The following WASHC4 variants were observed in gnomAD, a reference collection of about 807,000 sequenced individuals.
WASHC4 encodes the protein WASH complex subunit 4.
WASHC4 carries 86 observed loss-of-function variants against 166.6 expected under a neutral mutation model. The ratio of observed to expected loss-of-function variants is 0.52; its 90% CI spans 0.43 to 0.62. The LOEUF is 0.62. Ranked by LOEUF, WASHC4 falls within the 20% of genes least tolerant of loss-of-function variation. The pLI is 0.00. For synonymous variants in WASHC4, 446 were observed against 451.6 expected (o/e 0.99, Z 0.16); for missense variants, 1,262 against 1,382.4 (o/e 0.91, Z 1.38).
intron 6 of WASHC4, among the ~76,000 whole-genome samples, chr12:105,118,025 CT>C (rs1306666135): frequency 1.3e-5 from 2 of 152,182 alleles, no homozygotes; most frequent in African/African-American, 4.8e-5. Flanking sequence ...CATAGTTGTA[CT>C]TTCTATACTG....
At chr12:105,129,076 GC>G (rs1294368513) in intron 13 of WASHC4, among the ~76,000 whole-genome samples, 1 of 151,912 alleles carries the variant, frequency 6.6e-6, no homozygotes, top group Non-Finnish European at 1.5e-5. Context: ...CTCCCGAGTA[GC>G]TGGGATTACA....
At chr12:105,147,891 G>A in intron 24 of WASHC4, 4 of 964,982 alleles carry the variant, frequency 4.1e-6, no homozygotes, top group Non-Finnish European at 4.9e-6. Context: ...GGCAGCAAGA[G>A]CGAAACTCCA....
At chr12:105,138,131 A>G (rs1382911208) in intron 15 of WASHC4, 120 bp downstream of exon 15, 1 of 943,176 alleles carries the variant, frequency 1.1e-6, no homozygotes, top group Non-Finnish European at 1.6e-6. Flanking sequence ...GTGAGAAAGT[A>G]CTTCTCTCTC....
At chr12:105,115,637 G>A (rs1727188040) in intron 5 of WASHC4, 24 bp from the exon 6 acceptor site, 1 of 1,559,246 alleles carries the variant, frequency 6.4e-7, no homozygotes, top group Non-Finnish European at 8.8e-7. Context: ...AATGAAATAT[G>A]CTTATTCATG....
rs1292994028 is a variant in WASHC4 at position 105,111,178 on chromosome 12, A to G, written c.115A>G (p.Thr39Ala). ...TTATGGGAAATTTCTTGAGGAGTAT[A>G]CCTCTCAACTGAGAAGAATTGAGGA... is the stretch of plus-strand genomic sequence containing the variant. ...KNYGKFLEEYTSQLRRIEDAL... is the reference protein window; with the variant it reads ...KNYGKFLEEYASQLRRIEDAL... The change falls in exon 2 of 33, where the codon ACC becomes GCC. Residue 39 changes from threonine to alanine, a missense_variant. By Grantham distance (58) the Thr-to-Ala change is moderately conservative. Transcript: ENST00000332180. 3 of 1,605,300 alleles carry G rather than the reference A, an allele frequency of 1.9e-6. No homozygotes were observed. Among genetic ancestry groups the G allele is most frequent in the East Asian group, 2.2e-5 (1 of 44,764 alleles).
At chr12:105,142,042 C>G (rs945728555) in intron 18 of WASHC4, among the ~76,000 whole-genome samples, 1 of 142,750 alleles carries the variant, frequency 7.0e-6, no homozygotes, top group Admixed American at 7.0e-5. Flanking sequence ...AAAGATTTTT[C>G]TTTCCAACTT....
At chr12:105,159,361 TC>T (rs1884355543) in intron 28 of WASHC4, among the ~76,000 whole-genome samples, 1 of 152,338 alleles carries the variant, frequency 6.6e-6, no homozygotes, top group Admixed American at 6.5e-5. Flanking sequence ...GAATAGATTA[TC>T]TGCATAGACA....
chr12:105,127,118 TTC>T lies in WASHC4; in HGVS notation c.1039-9_1039-8del. ...TTAATGAATTTTCCCCTTTTCCCTT[TTC>T]TGTTTCAGGTACCAGCCATCACTCT... On this transcript the variant is annotated splice_polypyrimidine_tract_variant and intron_variant, in intron 12 of 32. Transcript: ENST00000332180. 1 of 1,611,556 alleles carries T rather than the reference TTC, an allele frequency of 6.2e-7. No homozygotes were observed. Among genetic ancestry groups the T allele is most frequent in the Middle Eastern group, 1.7e-4 (1 of 6,052 alleles).
chr12:105,144,917 G>GT (rs756246285), intron 22 of WASHC4, 45 bp downstream of exon 22: 11 of 1,563,206 alleles, frequency 7.0e-6, no homozygotes, highest in Non-Finnish European at 9.7e-6. Flanking sequence ...ACTGTTGGCT[G>GT]TAACAGTACT....
At chr12:105,108,556 A>C (rs1252892596) in intron 1 of WASHC4, among the ~76,000 whole-genome samples, 1 of 152,204 alleles carries the variant, frequency 6.6e-6, no homozygotes, top group Non-Finnish European at 1.5e-5. Context: ...GAATTGTCTG[A>C]TTTTAACTTA....
chr12:105,134,163 A>C (rs1214361707), intron 14 of WASHC4, among the ~76,000 whole-genome samples: 1 of 151,984 alleles, frequency 6.6e-6, no homozygotes, highest in Non-Finnish European at 1.5e-5. Flanking sequence ...AAACTATTTA[A>C]ATTTTTATTA....
chr12:105,167,526 G>C lies in WASHC4; in HGVS notation c.*595G>C, dbSNP rs940691931. ...TTTCATGTGACTCACAAGAGCTGCT[G>C]ATGTCTTTGATGAGACATTTTATAA... is the stretch of plus-strand genomic sequence containing the variant. On this transcript the variant is annotated 3_prime_UTR_variant, in exon 33 of 33. Coordinates refer to ENST00000332180, the MANE Select transcript of WASHC4 (RefSeq NM_015275.3). 6.6e-6 allele frequency: 1 copy of C among 152,642 alleles called. No homozygotes were observed. Among genetic ancestry groups the C allele is most frequent in the Non-Finnish European group, 1.5e-5 (1 of 68,088 alleles). The allele number at this position is 152,642 out of a possible 1,614,324, so 9.5% of individuals were successfully genotyped here. A position where few individuals can be genotyped will look rare whatever the true frequency, so the allele number is the denominator to read the frequency against.
At position 105,140,387 on chromosome 12, in the gene WASHC4, A is replaced by G. The variant is rs981263637; in HGVS notation, c.1546A>G (p.Ile516Val). 5.6e-6 allele frequency: 9 copies of G among 1,609,900 alleles called. No homozygotes were observed. Among genetic ancestry groups the G allele is most frequent in the African/African-American group, 4.0e-5 (3 of 74,894 alleles). ...CCTTCAACATCAGGCTCTTCATTCT[A>G]TTTCTGTGGCCAAGGTATGCAGCTT... ...QHLQHQALHSISVAKKRVISD... is the reference protein window; with the variant it reads ...QHLQHQALHSVSVAKKRVISD... Residue 516 changes from isoleucine (I) to valine (V), a missense_variant, in exon 16 of 33, where the codon ATT becomes GTT. Transcript: ENST00000332180.
At chr12:105,159,941 G>A in intron 28 of WASHC4, 60 bp from the exon 29 acceptor site, 1 of 1,484,944 alleles carries the variant, frequency 6.7e-7, no homozygotes, top group South Asian at 1.1e-5. Flanking sequence ...TTGAGAGATG[G>A]ATTTTTTTCA....
intron 4 of WASHC4, 40 bp from the exon 5 acceptor site, chr12:105,115,144 A>C: frequency 8.9e-7 from 1 of 1,119,612 alleles, no homozygotes; most frequent in Non-Finnish European, 1.4e-6. Context: ...TGGAAACAAA[A>C]CAACCTTTAA....
chr12:105,148,584 CAA>C (rs1883497579), intron 24 of WASHC4: 1 of 984,894 alleles, frequency 1.0e-6, no homozygotes, highest in African/African-American at 1.7e-5. Context: ...GGATTAAAAA[CAA>C]AAGACTGTTA....
intron 13 of WASHC4, among the ~76,000 whole-genome samples, chr12:105,131,074 A>AT (rs1247823736): frequency 6.7e-5 from 10 of 149,594 alleles, no homozygotes; most frequent in African/African-American, 2.2e-4. Flanking sequence ...ATATTTATTT[A>AT]TTTATTTATT....
At chr12:105,142,032 A>T (rs1242159510) in intron 18 of WASHC4, among the ~76,000 whole-genome samples, 3 of 129,670 alleles carry the variant, frequency 2.3e-5, no homozygotes. Context: ...TTTTTTTTTA[A>T]AAGATTTTTC....
intron 1 of WASHC4, among the ~76,000 whole-genome samples, chr12:105,108,134 CCCTT>C (rs1481414912): frequency 6.6e-6 from 1 of 152,168 alleles, no homozygotes; most frequent in Non-Finnish European, 1.5e-5. Flanking sequence ...AGCGGCGTCC[CCCTT>C]CAGCTGCCCC....
Sources: allele counts gnomAD v4.1 joint callset (sites outside exome capture counted in the v4.1 genomes callset), GRCh38; gene constraint gnomAD v4.1.1; transcripts MANE v1.5; gene names NCBI Gene and HGNC (gene_info 2026-07-23, HGNC 2026-07-21).